Variants in USP42 observed in about 807,000 individuals in gnomAD.
USP42 encodes the protein ubiquitin specific peptidase 42, also known as ubiquitin carboxyl-terminal hydrolase 42.
Under a neutral mutation model 113.0 loss-of-function variants are expected in USP42, and 23 were observed. The observed-to-expected ratio is 0.20, with a 90% CI of 0.15 to 0.29. The LOEUF (loss-of-function observed/expected upper bound fraction) is 0.29. USP42 is among the 10% of genes least tolerant of loss of function. USP42 has a pLI of 1.00. For synonymous variants in USP42, 933 were observed against 699.0 expected, an observed-to-expected ratio of 1.33 and a Z score of -5.28; for missense variants, 2,174 against 1,779.8, an observed-to-expected ratio of 1.22 and a Z score of -3.99.
At chr7:6,148,696 G>C (rs1781859085) in intron 12 of USP42, among the ~76,000 whole-genome samples, 1 of 152,176 alleles carries the variant, frequency 6.6e-6, no homozygotes, top group South Asian at 2.1e-4. Flanking sequence ...CTGAGCTGTG[G>C]CATCTTCACA....
intron 4 of USP42, among the ~76,000 whole-genome samples, chr7:6,137,831 C>T (rs562964791): frequency 3.3e-5 from 5 of 152,138 alleles, no homozygotes; most frequent in Admixed American, 1.3e-4. Flanking sequence ...CAGGTGCTTG[C>T]CACTACCCCT....
intron 8 of USP42, 65 bp from the exon 9 acceptor site, chr7:6,144,020 C>A: frequency 9.0e-7 from 1 of 1,111,328 alleles, no homozygotes; most frequent in Non-Finnish European, 1.2e-6. Flanking sequence ...ACAAGAAAGA[C>A]CAAAATACCA....
chr7:6,146,016 C>T, intron 10 of USP42, 132 bp from the exon 11 acceptor site: 1 of 728,084 alleles, frequency 1.4e-6, no homozygotes, highest in Non-Finnish European at 2.3e-6. Flanking sequence ...ATTGCAAGAT[C>T]ACGCCACTGC....
In USP42 at chr7:6,159,358, C is replaced by T. The variant is rs1210965903; in HGVS notation, c.3944-92C>T. The T allele has an allele frequency of 2.6e-6, 4 of 1,560,038 alleles. No individual in the cohort carries two copies. The highest frequency in any genetic ancestry group is 4.5e-5 in the East Asian group (2 of 44,558). ...GCGCTCACAGGGAACCGCAGTGACT[C>T]TGACCATAGCCACTTAACGCACACA... On this transcript the variant is annotated intron_variant, in intron 16 of 17. Coordinates refer to ENST00000306177, the MANE Select transcript of USP42 (RefSeq NM_032172.3). This position sits in a 1 kb window ranked among gnomAD's most constrained non-coding sequence, Gnocchi z 4.1.
At chr7:6,146,336 T>TAA (rs1562842429) in intron 11 of USP42, 88 bp downstream of exon 11, 97 of 781,112 alleles carry the variant, frequency 1.2e-4, no homozygotes, top group South Asian at 2.3e-4. Context: ...ATTCAGTGTT[T>TAA]TAAAAAAAAA....
Position 6,142,948 on chromosome 7 carries a change from A to C in USP42, c.812A>C (p.Asn271Thr), listed in dbSNP as rs779417852. 93 of 1,613,860 alleles carry C rather than the reference A, an allele frequency of 5.8e-5. 2 individuals are homozygous for C. The South Asian group carries it at 8.8e-4, about 15-fold the overall frequency. ...TLEIKAAQSVNKALEQFVKPE... is the reference protein window; with the variant it reads ...TLEIKAAQSVTKALEQFVKPE... ...TCTTCCCAGGCTGCTCAGAGTGTCA[A>C]CAAGGCATTGGAGCAGTTTGTGAAG... The change falls in exon 8 of 18, where the codon AAC (asparagine) becomes ACC (threonine). Residue 271 changes from asparagine (N) to threonine (T), a missense_variant. By Grantham distance (65) the Asn-to-Thr change is moderately conservative. Coordinates refer to ENST00000306177, the MANE Select transcript of USP42 (RefSeq NM_032172.3).
chr7:6,106,418 A>C (rs1779280669), intron 1 of USP42, among the ~76,000 whole-genome samples: 1 of 152,250 alleles, frequency 6.6e-6, no homozygotes. Context: ...CAAATGAAGA[A>C]AGAATAATGC....
At chr7:6,155,237 T>C (rs1782375628) in intron 15 of USP42, 42 bp downstream of exon 15, 4 of 1,484,564 alleles carry the variant, frequency 2.7e-6, no homozygotes, top group Non-Finnish European at 3.6e-6. Context: ...CTGGCGCTGC[T>C]GTCAGCAGTG....
rs1214345440 is a variant in USP42 at position 6,149,874 on chromosome 7, A to G, written c.1678A>G (p.Asn560Asp). The G allele has an allele frequency of 1.2e-6, 2 of 1,614,068 alleles. No individual in the cohort carries two copies. Among genetic ancestry groups the G allele is most frequent in the Non-Finnish European group, 1.7e-6 (2 of 1,179,904 alleles). ...GCCCGTTCCCTCTTCTACCATTACC[A>G]ATTCTGCAGTACAGTCTACCTCGAA... Reference protein sequence around the residue: ...TKPVPSSTITNSAVQSTSNAS... With the variant: ...TKPVPSSTITDSAVQSTSNAS... The change falls in exon 13 of 18, where the codon AAT becomes GAT. Residue 560 changes from asparagine to aspartate, a missense_variant. By Grantham distance (23) the Asn-to-Asp change is conservative. Transcript: ENST00000306177.
At chr7:6,145,054 C>A (rs754215556) in intron 9 of USP42, among the ~76,000 whole-genome samples, 5 of 152,152 alleles carry the variant, frequency 3.3e-5, no homozygotes, top group African/African-American at 7.2e-5. Flanking sequence ...GGTGGCTAGG[C>A]CAGGTGCAGT....
the USP42 span, among the ~76,000 whole-genome samples, chr7:6,094,124 C>T: frequency 6.6e-6 from 1 of 151,018 alleles, no homozygotes; most frequent in Non-Finnish European, 1.5e-5. Flanking sequence ...CCTCGTGATC[C>T]ACCTGCCTCA....
Position 6,161,064 on chromosome 7 carries a change from A to AGAT in USP42, c.*548_*550dup, listed in dbSNP as rs1389153954. ...TATTTTAGTTGTATTCAAGATTTGAAGATGTATTTTATAGACAAGTTCTGT... is the reference window on the plus strand; with the variant it reads ...TATTTTAGTTGTATTCAAGATTTGAAGATGATGTATTTTATAGACAAGTTCTGT... On this transcript the variant is annotated 3_prime_UTR_variant, in exon 18 of 18. Coordinates refer to ENST00000306177, the MANE Select transcript of USP42 (RefSeq NM_032172.3). The AGAT allele has an allele frequency of 2.0e-5, 3 of 152,666 alleles. No homozygotes were observed. The highest frequency in any genetic ancestry group is 4.4e-5 in the Non-Finnish European group (3 of 68,050). The allele number at this position is 152,666 out of a possible 1,614,324, so 9.5% of individuals were successfully genotyped here.
rs1212910189 is a variant in USP42, at chr7:6,149,749, A to C, written c.1553A>C (p.Lys518Thr). The C allele has an allele frequency of 6.2e-7, 1 of 1,613,994 alleles. No homozygotes were observed. Among genetic ancestry groups the C allele is most frequent in the East Asian group, 2.2e-5 (1 of 44,878 alleles). ...NRSSVIPEHPKKQKITISIHN... is the reference protein window; with the variant it reads ...NRSSVIPEHPTKQKITISIHN... Reference sequence around the variant, plus strand: ...TCCTCAGTGATCCCAGAACATCCTAAGAAACAAAAAATTACAATCAGTATT... The same window carrying C: ...TCCTCAGTGATCCCAGAACATCCTACGAAACAAAAAATTACAATCAGTATT... The change falls in exon 13 of 18, where the codon AAG becomes ACG. Residue 518 changes from lysine to threonine, a missense_variant. Physicochemically the swap from Lys to Thr is moderately conservative, Grantham distance 78. Transcript: ENST00000306177.
the USP42 span, among the ~76,000 whole-genome samples, chr7:6,097,385 C>CTTTT: frequency 1.1e-4 from 14 of 129,264 alleles, no homozygotes; most frequent in Non-Finnish European, 1.7e-4. Flanking sequence ...CCCTGTGGGT[C>CTTTT]CTTTTTTTTT....
At chr7:6,083,643 ATATAAG>A in the USP42 span, among the ~76,000 whole-genome samples, 1 of 150,748 alleles carries the variant, frequency 6.6e-6, no homozygotes, top group Non-Finnish European at 1.5e-5. Context: ...ACACCAGAAT[ATATAAG>A]TATATAGTAT....
the USP42 span, among the ~76,000 whole-genome samples, chr7:6,091,870 C>T: frequency 6.6e-6 from 1 of 150,800 alleles, no homozygotes; most frequent in Non-Finnish European, 1.5e-5. Flanking sequence ...TACAGGGGTG[C>T]ACCACAGCAC....
At chr7:6,151,275 G>T (rs995325747) in intron 14 of USP42, among the ~76,000 whole-genome samples, 4 of 152,122 alleles carry the variant, frequency 2.6e-5, no homozygotes, top group African/African-American at 7.2e-5. Context: ...CACTTCAGCC[G>T]CACTCAATTT....
chr7:6,148,501 C>G (rs77870088), intron 12 of USP42, among the ~76,000 whole-genome samples: 2 of 152,184 alleles, frequency 1.3e-5, no homozygotes, highest in Admixed American at 6.5e-5. Flanking sequence ...TAATTCCTGT[C>G]GGATTGCAGG....
At chr7:6,122,512 C>T (rs921792436) in intron 3 of USP42, among the ~76,000 whole-genome samples, 1 of 151,940 alleles carries the variant, frequency 6.6e-6, no homozygotes, top group Non-Finnish European at 1.5e-5. Flanking sequence ...GCTCTGTTGC[C>T]ACGCTGGAGT....
Sources: gnomAD v4.1 joint callset for allele counts (sites outside exome capture counted in the v4.1 genomes callset) on GRCh38, gnomAD v4.1.1 for gene constraint, Gnocchi (gnomAD v3.1) non-coding constraint, MANE v1.5 for transcripts, NCBI Gene and HGNC (gene_info 2026-07-23, HGNC 2026-07-21) for gene names.